The following DPP6 variants were observed in gnomAD, a reference collection of about 807,000 sequenced individuals.
DPP6 encodes the protein dipeptidyl peptidase like 6, also known as A-type potassium channel modulatory protein DPP6.
Under a neutral mutation model 122.6 loss-of-function variants are expected in DPP6, and 69 were observed. That is an observed-to-expected ratio of 0.56 (90% confidence interval 0.46 to 0.69). The LOEUF (loss-of-function observed/expected upper bound fraction) is 0.69. DPP6 is among the 30% of genes least tolerant of loss of function. The probability of loss-of-function intolerance (pLI) is 0.00; values close to 1 mark genes in which losing one functional copy is unlikely to be tolerated. For missense variants in DPP6, 928 were observed against 1,116.9 expected (o/e 0.83, Z 2.41); for synonymous variants, 418 against 433.1 (o/e 0.97, Z 0.43).
intron 16 of DPP6, among the ~76,000 whole-genome samples, chr7:154,847,056 G>C (rs970536800): frequency 8.5e-5 from 13 of 152,164 alleles, no homozygotes; most frequent in African/African-American, 3.1e-4. Context: ...TCTTCTGCCT[G>C]CCTTCTTGTG....
intron 5 of DPP6, among the ~76,000 whole-genome samples, chr7:154,626,150 T>C (rs1429874400): frequency 1.3e-5 from 2 of 152,152 alleles, no homozygotes; most frequent in East Asian, 3.9e-4. Flanking sequence ...GTTTCTTCCT[T>C]TGAATTTCCT....
the DPP6 span, among the ~76,000 whole-genome samples, chr7:153,847,813 T>C: frequency 0.099 from 15,107 of 152,288 alleles, 832 homozygotes; most frequent in Middle Eastern, 0.15. Flanking sequence ...TGCATGCGTC[T>C]GCAGTTCAGT....
chr7:154,042,705 T>A (rs1286450521), intron 1 of DPP6, among the ~76,000 whole-genome samples: 1 of 152,220 alleles, frequency 6.6e-6, no homozygotes, highest in African/African-American at 2.4e-5. Flanking sequence ...TCCAGCCCCC[T>A]TCTCAATGAA....
chr7:154,793,925 TA>T, intron 10 of DPP6, 153 bp from the exon 11 acceptor site: 1 of 1,264,902 alleles, frequency 7.9e-7, no homozygotes, highest in Non-Finnish European at 1.1e-6. Context: ...AGATTCTTTA[TA>T]AGCCAGATTT....
In DPP6 at chr7:154,587,554, C is replaced by T. The variant is rs143612522; in HGVS notation, c.627+20638C>T. ...ACATTGCCCATTGATTTTTGTTTCT[C>T]GATCCCCAACTTCCCATGCCCCAAA... On this transcript the variant is annotated intron_variant, in intron 5 of 25. Transcript: ENST00000377770. 5,244 of 1,373,098 alleles carry T rather than the reference C, an allele frequency of 3.8e-3. 23 individuals are homozygous for T. The highest frequency in any genetic ancestry group is 0.015 in the African/African-American group (1,000 of 68,926). The allele number at this position is 1,373,098 out of a possible 1,614,324, so 85.1% of individuals were successfully genotyped here.
chr7:154,408,603 T>A (rs1322418819), intron 1 of DPP6, among the ~76,000 whole-genome samples: 2 of 152,220 alleles, frequency 1.3e-5, no homozygotes, highest in Middle Eastern at 6.3e-3. Flanking sequence ...AAACTGGCAT[T>A]GATACACGGC....
At chr7:153,929,437 T>C (rs1801072718) in intron 1 of DPP6, among the ~76,000 whole-genome samples, 1 of 151,934 alleles carries the variant, frequency 6.6e-6, no homozygotes, top group Non-Finnish European at 1.5e-5. Context: ...ATGTTGGGTT[T>C]GATGTCCTGG....
At chr7:154,451,701 C>T (rs193234581) in intron 2 of DPP6, among the ~76,000 whole-genome samples, 22 of 152,216 alleles carry the variant, frequency 1.4e-4, no homozygotes, top group African/African-American at 4.3e-4. Context: ...GGCAACTGCT[C>T]CTGGAGAAGC....
chr7:154,276,592 C>G (rs148739721), intron 1 of DPP6, among the ~76,000 whole-genome samples: 1 of 152,102 alleles, frequency 6.6e-6, no homozygotes, highest in Non-Finnish European at 1.5e-5. Context: ...AGAATGGGAC[C>G]TCTGCTCAGC....
chr7:154,291,378 C>T (rs995222002), intron 1 of DPP6, among the ~76,000 whole-genome samples: 1 of 152,166 alleles, frequency 6.6e-6, no homozygotes, highest in Non-Finnish European at 1.5e-5. Flanking sequence ...AGCCCCTACC[C>T]CTAGAAGTGA....
intron 1 of DPP6, among the ~76,000 whole-genome samples, chr7:154,114,931 G>C (rs1489143202): frequency 6.6e-6 from 1 of 152,160 alleles, no homozygotes; most frequent in Non-Finnish European, 1.5e-5. Context: ...CAGGCATGAG[G>C]CAGGAGTGGA....
intron 1 of DPP6, among the ~76,000 whole-genome samples, chr7:153,935,484 C>T (rs758508109): frequency 1.3e-5 from 2 of 152,216 alleles, no homozygotes; most frequent in African/African-American, 2.4e-5. Flanking sequence ...GGAACCTGCC[C>T]CTGGCTCAGC....
At chr7:154,328,917 C>G (rs1188077486) in intron 1 of DPP6, among the ~76,000 whole-genome samples, 2 of 152,316 alleles carry the variant, frequency 1.3e-5, no homozygotes, top group African/African-American at 4.8e-5. Flanking sequence ...CACTGGGTTA[C>G]TGTCTTCCCA....
chr7:153,861,109 A>G, the DPP6 span, among the ~76,000 whole-genome samples: 1 of 152,230 alleles, frequency 6.6e-6, no homozygotes, highest in Non-Finnish European at 1.5e-5. Flanking sequence ...TTTTAAAATC[A>G]TATTTAGGCA....
At chr7:154,594,982 G>T (rs964078316) in intron 5 of DPP6, among the ~76,000 whole-genome samples, 1 of 151,064 alleles carries the variant, frequency 6.6e-6, no homozygotes, top group East Asian at 2.0e-4. Flanking sequence ...GATGGCCTTT[G>T]TGGGTTTTTT....
chr7:154,311,249 T>C (rs906196891), intron 1 of DPP6, among the ~76,000 whole-genome samples: 1 of 152,154 alleles, frequency 6.6e-6, no homozygotes, highest in African/African-American at 2.4e-5. Context: ...CCTGCAGTCT[T>C]TGGGAGGCCG....
At chr7:154,150,651 A>G (rs1236583096) in intron 1 of DPP6, among the ~76,000 whole-genome samples, 2 of 152,242 alleles carry the variant, frequency 1.3e-5, no homozygotes, top group East Asian at 3.9e-4. Context: ...GCTTCCAGTA[A>G]GCACCTGTGA....
intron 1 of DPP6, among the ~76,000 whole-genome samples, chr7:154,336,755 G>A (rs968009788): frequency 6.6e-5 from 10 of 152,170 alleles, no homozygotes; most frequent in African/African-American, 4.8e-5. Context: ...GGAGTTGGGC[G>A]GGCCATGGTT....
At chr7:154,831,520 AT>A (rs1455447433) in intron 16 of DPP6, among the ~76,000 whole-genome samples, 1 of 152,196 alleles carries the variant, frequency 6.6e-6, no homozygotes, top group East Asian at 1.9e-4. Context: ...TTTTGTGCTA[AT>A]TTCTACTGCA....
Sources: gnomAD v4.1 joint callset for allele counts (sites outside exome capture counted in the v4.1 genomes callset) on GRCh38, gnomAD v4.1.1 for gene constraint, MANE v1.5 for transcripts, NCBI Gene and HGNC (gene_info 2026-07-23, HGNC 2026-07-21) for gene names.